GRIN2A: variants seen among roughly 807,000 people sequenced by gnomAD.
GRIN2A encodes the protein glutamate receptor ionotropic, NMDA 2A.
A neutral mutation model predicts 113.4 loss-of-function variants in GRIN2A; 22 were observed. The observed-to-expected ratio is 0.19, with a 90% CI of 0.14 to 0.28. The LOEUF (loss-of-function observed/expected upper bound fraction) is 0.28, where lower values mean the gene tolerates loss of function less well. Ranked by LOEUF, GRIN2A falls within the 10% of genes least tolerant of loss-of-function variation. The pLI, the probability that GRIN2A is intolerant of heterozygous loss-of-function variation, is 1.00. For missense variants in GRIN2A, 1,502 were observed against 1,887.0 expected, an observed-to-expected ratio of 0.80 and a Z score of 3.78; for synonymous variants, 827 against 738.4, an observed-to-expected ratio of 1.12 and a Z score of -1.94.
At position 9,756,354 on chromosome 16, in the gene GRIN2A, A is replaced by G. The variant is rs1596367661; in HGVS notation, c.*6795T>C. On this transcript the variant is annotated 3_prime_UTR_variant, in exon 13 of 13. Transcript: ENST00000330684. The stretch of plus-strand genomic sequence containing the variant: ...CAGTGTTCAAGTCTCAGAAGGAACT[A>G]TGAACAGAGGTGAGATCCCCAGAAG... 1 of 230,408 alleles carries G rather than the reference A, an allele frequency of 4.3e-6. No individual in the cohort carries two copies. The highest frequency in any genetic ancestry group is 6.1e-5 in the East Asian group (1 of 16,268). The allele number at this position is 230,408 out of a possible 1,614,324, so 14.3% of individuals were successfully genotyped here.
intron 2 of GRIN2A, among the ~76,000 whole-genome samples, chr16:10,108,352 C>T (rs2048537970): frequency 6.6e-6 from 1 of 152,188 alleles, no homozygotes; most frequent in Non-Finnish European, 1.5e-5. Flanking sequence ...GAAAGATCCA[C>T]CCCCATGATT....
At position 9,754,069 on chromosome 16, in the gene GRIN2A, C is replaced by T. The variant is rs1291946778; in HGVS notation, c.*9080G>A. 5.4e-6 allele frequency: 1 copy of T among 183,676 alleles called. No individual in the cohort carries two copies. The highest frequency in any genetic ancestry group is 1.2e-5 in the Non-Finnish European group (1 of 86,448). The allele number at this position is 183,676 out of a possible 1,614,324, so 11.4% of individuals were successfully genotyped here. A position where few individuals can be genotyped will look rare whatever the true frequency, so the allele number is the denominator to read the frequency against. On this transcript the variant is annotated 3_prime_UTR_variant, in exon 13 of 13. Transcript: ENST00000330684. ...AATCATTTATCCTCTTTGAGAAGGC[C>T]ATTATTTATAATTTTTATGATCTAA...
intron 2 of GRIN2A, among the ~76,000 whole-genome samples, chr16:10,044,007 G>GTGTATCTA (rs1555469968): frequency 8.6e-6 from 1 of 116,926 alleles, no homozygotes; most frequent in Non-Finnish European, 1.7e-5. Flanking sequence ...GTGTGTGTGT[G>GTGTATCTA]TATATATATA....
chr16:9,851,405 T>C (rs1471453602), intron 4 of GRIN2A, among the ~76,000 whole-genome samples: 1 of 152,214 alleles, frequency 6.6e-6, no homozygotes, highest in Non-Finnish European at 1.5e-5. Flanking sequence ...AATTCTTCAT[T>C]CATTCGACAT....
At position 9,762,629 on chromosome 16, in the gene GRIN2A, C is replaced by T; in HGVS notation, c.*520G>A. ...CAAGAAAGCTGAAACTGTTACGAGC[C>T]AAACTTCCTAATCTCTTGCACATGT... is the stretch of plus-strand genomic sequence containing the variant. On this transcript the variant is annotated 3_prime_UTR_variant, in exon 13 of 13. Transcript: ENST00000330684. The T allele has an allele frequency of 4.2e-6, 1 of 240,124 alleles. No individual in the cohort carries two copies. Among genetic ancestry groups the T allele is most frequent in the East Asian group, 6.1e-5 (1 of 16,510 alleles). 14.9% of individuals were successfully genotyped at this position (240,124 alleles called of 1,614,324 possible).
At chr16:9,768,087 C>G (rs1301317699) in intron 12 of GRIN2A, among the ~76,000 whole-genome samples, 2 of 152,140 alleles carry the variant, frequency 1.3e-5, no homozygotes, top group African/African-American at 2.4e-5. Flanking sequence ...CGGAGTCTCG[C>G]TCTTTCACCC....
At chr16:9,910,813 C>T (rs1596573899) in intron 3 of GRIN2A, among the ~76,000 whole-genome samples, 1 of 152,128 alleles carries the variant, frequency 6.6e-6, no homozygotes, top group Non-Finnish European at 1.5e-5. Flanking sequence ...GCTGGGATTA[C>T]AGGCATGAGC....
At chr16:10,168,241 T>G (rs2049964846) in intron 2 of GRIN2A, among the ~76,000 whole-genome samples, 2 of 152,216 alleles carry the variant, frequency 1.3e-5, no homozygotes, top group African/African-American at 4.8e-5. Context: ...ACATAGGTTG[T>G]CTGCTTTTCA....
intron 2 of GRIN2A, among the ~76,000 whole-genome samples, chr16:9,975,792 G>C (rs2045762860): frequency 6.6e-6 from 1 of 152,180 alleles, no homozygotes; most frequent in Non-Finnish European, 1.5e-5. Flanking sequence ...TCAATGTAAA[G>C]ACGCAGACAG....
intron 2 of GRIN2A, among the ~76,000 whole-genome samples, chr16:10,076,162 G>A (rs1295068134): frequency 6.6e-6 from 1 of 152,192 alleles, no homozygotes; most frequent in South Asian, 2.1e-4. Flanking sequence ...AAGCAAAGTG[G>A]GTTGAGGATC....
intron 3 of GRIN2A, among the ~76,000 whole-genome samples, chr16:9,914,054 A>C (rs1452223328): frequency 6.6e-6 from 1 of 152,104 alleles, no homozygotes; most frequent in Non-Finnish European, 1.5e-5. Context: ...AGAGGCTCCC[A>C]AGAATGTTTG....
intron 4 of GRIN2A, among the ~76,000 whole-genome samples, chr16:9,881,365 G>C (rs149291590): frequency 4.3e-4 from 66 of 152,316 alleles, no homozygotes; most frequent in African/African-American, 1.4e-3. Flanking sequence ...TTGATAACAG[G>C]ATGACCTAAA....
chr16:9,938,461 C>T lies in GRIN2A; in HGVS notation c.505G>A (p.Val169Ile), dbSNP rs1016179733. The T allele has an allele frequency of 1.2e-6, 2 of 1,613,776 alleles. No homozygotes were observed. The highest frequency in any genetic ancestry group is 1.3e-5 in the African/African-American group (1 of 75,048). The part of the protein sequence containing the change: ...LKIMQDYDWH[V>I]FSLVTTIFPG... ...AAGATAGTGGTCACCAGGGAGAAGA[C>T]ATGCCAGTCATAATCCTGCATGATC... Residue 169 changes from valine to isoleucine, a missense_variant, in exon 3 of 13, where the codon GTC becomes ATC. Transcript: ENST00000330684.
chr16:9,838,565 G>T (rs748403634), intron 7 of GRIN2A, among the ~76,000 whole-genome samples: 2 of 152,170 alleles, frequency 1.3e-5, no homozygotes, highest in Non-Finnish European at 2.9e-5. Context: ...AATGACTGTT[G>T]TTCTTTGTGA....
intron 2 of GRIN2A, among the ~76,000 whole-genome samples, chr16:10,023,175 G>A (rs974378199): frequency 6.6e-6 from 1 of 152,220 alleles, no homozygotes; most frequent in Admixed American, 6.5e-5. Flanking sequence ...CTTAGACCGA[G>A]TTGGCAACAA....
chr16:9,992,282 T>C (rs2046131743), intron 2 of GRIN2A, among the ~76,000 whole-genome samples: 1 of 152,086 alleles, frequency 6.6e-6, no homozygotes, highest in South Asian at 2.1e-4. Context: ...GATAAGCTAG[T>C]TTATAGAGGA....
chr16:9,965,972 T>A (rs753515877), intron 2 of GRIN2A, among the ~76,000 whole-genome samples: 16 of 152,214 alleles, frequency 1.1e-4, no homozygotes, highest in Non-Finnish European at 1.9e-4. Context: ...TACTTTCTGG[T>A]AGCTTATCAA....
At chr16:10,137,510 C>G (rs537902698) in intron 2 of GRIN2A, among the ~76,000 whole-genome samples, 10 of 152,298 alleles carry the variant, frequency 6.6e-5, no homozygotes, top group African/African-American at 1.9e-4. Context: ...AATTTCATTT[C>G]CCTTCCTTAG....
intron 2 of GRIN2A, among the ~76,000 whole-genome samples, chr16:10,110,421 C>T (rs1341298296): frequency 6.6e-6 from 1 of 152,116 alleles, no homozygotes; most frequent in Non-Finnish European, 1.5e-5. Flanking sequence ...TGGGGAATGT[C>T]GTGGAACTGT....
Sources: gnomAD v4.1 joint callset for allele counts (sites outside exome capture counted in the v4.1 genomes callset) on GRCh38, gnomAD v4.1.1 for gene constraint, MANE v1.5 for transcripts, NCBI Gene and HGNC (gene_info 2026-07-23, HGNC 2026-07-21) for gene names.